Variants in IL1RAPL2 observed in about 807,000 individuals in gnomAD.
IL1RAPL2 encodes the protein X-linked interleukin-1 receptor accessory protein-like 2.
Under a neutral mutation model 44.1 loss-of-function variants are expected in IL1RAPL2, and 3 were observed. The ratio of observed to expected loss-of-function variants is 0.07; its 90% CI spans 0.03 to 0.18. The LOEUF (loss-of-function observed/expected upper bound fraction) is 0.18, where lower values mean the gene tolerates loss of function less well. Among genes scored for constraint, IL1RAPL2 ranks in the 10% least tolerant of loss-of-function variants. The pLI, the probability that IL1RAPL2 is intolerant of heterozygous loss-of-function variation, is 1.00. For synonymous variants in IL1RAPL2, 181 were observed against 178.8 expected, an observed-to-expected ratio of 1.01 and a Z score of -0.10; for missense variants, 391 against 496.4, an observed-to-expected ratio of 0.79 and a Z score of 2.02.
At chrX:104,744,539 C>T (rs1046958742) in intron 2 of IL1RAPL2, among the ~76,000 whole-genome samples, 68 of 111,061 alleles carry the variant, frequency 6.1e-4, no homozygotes, top group Non-Finnish European at 9.5e-5. Flanking sequence ...ACAGTATATG[C>T]TATTTATTCA....
At chrX:104,900,013 G>T (rs780658412) in intron 2 of IL1RAPL2, among the ~76,000 whole-genome samples, 29 of 111,744 alleles carry the variant, frequency 2.6e-4, no homozygotes, top group Non-Finnish European at 5.5e-4. Context: ...TTTACTAACA[G>T]CCATAATACA....
chrX:104,654,165 T>A (rs1930208063), intron 1 of IL1RAPL2, among the ~76,000 whole-genome samples: 1 of 111,396 alleles, frequency 9.0e-6, no homozygotes, highest in South Asian at 3.8e-4. Context: ...CAGTTATTTT[T>A]GATTTTGGAA....
At chrX:104,950,144 T>C (rs1350977895) in intron 2 of IL1RAPL2, among the ~76,000 whole-genome samples, 8 of 112,095 alleles carry the variant, frequency 7.1e-5, no homozygotes, top group Non-Finnish European at 1.5e-4. Context: ...TTAGCTCTTC[T>C]TGTTGAATTG....
chrX:105,278,326 C>T (rs925615257), intron 5 of IL1RAPL2, among the ~76,000 whole-genome samples: 43 of 111,514 alleles, frequency 3.9e-4, no homozygotes, highest in African/African-American at 1.4e-3. Flanking sequence ...CCTTCTCTGA[C>T]ACCAAGTTAG....
At chrX:105,608,737 A>G (rs892102663) in intron 6 of IL1RAPL2, among the ~76,000 whole-genome samples, 1 of 112,233 alleles carries the variant, frequency 8.9e-6, no homozygotes, top group Non-Finnish European at 1.9e-5. Flanking sequence ...CACTTGTTCT[A>G]TGTGGAATTG....
At chrX:105,031,386 T>C (rs1460856370) in intron 2 of IL1RAPL2, among the ~76,000 whole-genome samples, 1 of 110,946 alleles carries the variant, frequency 9.0e-6, no homozygotes, top group Non-Finnish European at 1.9e-5. Context: ...GGGTTTGTCA[T>C]AGATAGCTCT....
intron 6 of IL1RAPL2, among the ~76,000 whole-genome samples, chrX:105,712,511 A>T (rs2038219376): frequency 9.0e-6 from 1 of 111,463 alleles, no homozygotes; most frequent in South Asian, 3.8e-4. Flanking sequence ...GGAAACTAAC[A>T]ATTATGGTGG....
intron 2 of IL1RAPL2, among the ~76,000 whole-genome samples, chrX:105,093,356 G>T (rs752052365): frequency 1.8e-5 from 2 of 111,877 alleles, no homozygotes; most frequent in Non-Finnish European, 3.8e-5. Flanking sequence ...TGATGACAAA[G>T]AAATTAACAT....
chrX:105,309,782 G>A (rs972956629), intron 5 of IL1RAPL2, among the ~76,000 whole-genome samples: 1 of 111,003 alleles, frequency 9.0e-6, no homozygotes. Flanking sequence ...TATATTATTG[G>A]ATTGCAAGAA....
chrX:104,593,673 A>G (rs957115900), intron 1 of IL1RAPL2, among the ~76,000 whole-genome samples: 23 of 111,840 alleles, frequency 2.1e-4, no homozygotes, highest in African/African-American at 6.8e-4. Flanking sequence ...TTCCAGTTTT[A>G]TTTCCTACCA....
At chrX:105,041,968 A>C (rs1056835829) in intron 2 of IL1RAPL2, among the ~76,000 whole-genome samples, 7 of 110,659 alleles carry the variant, frequency 6.3e-5, no homozygotes, top group South Asian at 7.7e-4. Flanking sequence ...GAGAAGCAAG[A>C]AATGGGGAAA....
In IL1RAPL2 at chrX:105,138,695, C is replaced by T. The variant is rs2033099761; in HGVS notation, c.83-56780C>T. 4.5e-5 allele frequency among the ~76,000 whole-genome samples: 5 copies of T among 111,160 alleles called. No individual in the cohort carries two copies. In the Admixed American group the frequency reaches 4.8e-4, roughly 11 times the overall value. On this transcript the variant is annotated intron_variant, in intron 2 of 10. Coordinates refer to ENST00000372582, the MANE Select transcript of IL1RAPL2 (RefSeq NM_017416.2). ...GGTTCATTCTGTTATTGAAATCATCCATTTTTAGTAGTAGCTAAATATGAA... is the reference window on the plus strand; with the variant it reads ...GGTTCATTCTGTTATTGAAATCATCTATTTTTAGTAGTAGCTAAATATGAA...
At chrX:105,183,129 C>T (rs145787095) in intron 2 of IL1RAPL2, among the ~76,000 whole-genome samples, 1 of 111,129 alleles carries the variant, frequency 9.0e-6, no homozygotes, top group Non-Finnish European at 1.9e-5. Context: ...CACATGGGCA[C>T]AGATTGTGAT....
At chrX:105,683,715 A>G (rs1379507526) in intron 6 of IL1RAPL2, among the ~76,000 whole-genome samples, 1 of 112,261 alleles carries the variant, frequency 8.9e-6, no homozygotes, top group Admixed American at 9.5e-5. Flanking sequence ...TATTACTCCT[A>G]CATAGTCTCA....
At chrX:105,092,380 A>ACATATAC (rs2032554566) in intron 2 of IL1RAPL2, among the ~76,000 whole-genome samples, 1 of 111,725 alleles carries the variant, frequency 9.0e-6, no homozygotes, top group South Asian at 3.8e-4. Flanking sequence ...GGGAAGAAGC[A>ACATATAC]CATATACCAG....
intron 2 of IL1RAPL2, among the ~76,000 whole-genome samples, chrX:104,715,716 T>C (rs916081024): frequency 2.8e-5 from 3 of 108,334 alleles, no homozygotes; most frequent in African/African-American, 1.0e-4. Context: ...TGCCCAGGAA[T>C]ACAGCTAACT....
chrX:104,814,802 G>T (rs1921093015), intron 2 of IL1RAPL2, among the ~76,000 whole-genome samples: 1 of 112,102 alleles, frequency 8.9e-6, no homozygotes, highest in African/African-American at 3.2e-5. Context: ...CTACATCAAA[G>T]AAAGTGAGAG....
chrX:104,750,895 G>A (rs1391970891), intron 2 of IL1RAPL2, among the ~76,000 whole-genome samples: 5 of 110,705 alleles, frequency 4.5e-5, no homozygotes, highest in Admixed American at 3.9e-4. Context: ...AACCCAAATA[G>A]TTAAAAATTC....
At chrX:104,695,196 T>C (rs1931157292) in intron 2 of IL1RAPL2, among the ~76,000 whole-genome samples, 1 of 112,467 alleles carries the variant, frequency 8.9e-6, no homozygotes, top group African/African-American at 3.2e-5. Context: ...TCTTTAGTGC[T>C]AATTGTGAAA....
Sources: allele counts gnomAD v4.1 joint callset (sites outside exome capture counted in the v4.1 genomes callset), GRCh38; gene constraint gnomAD v4.1.1; transcripts MANE v1.5; gene names NCBI Gene and HGNC (gene_info 2026-07-23, HGNC 2026-07-21).